RAB38: variants seen among roughly 807,000 people sequenced by gnomAD.
The protein encoded by RAB38 is ras-related protein Rab-38.
In RAB38, 15 loss-of-function variants were observed where a neutral mutation model predicts 18.4. That is an observed-to-expected ratio of 0.82 (90% CI 0.55 to 1.26). The LOEUF is 1.26. Among genes scored for constraint, RAB38 ranks in the 50% most tolerant of loss-of-function variants. RAB38 has a pLI of 0.00. For synonymous variants in RAB38, 101 were observed against 104.4 expected (o/e 0.97, Z 0.20); for missense variants, 294 against 267.4 (o/e 1.10, Z -0.69).
At chr11:87,961,406 A>G in the RAB38 span, among the ~76,000 whole-genome samples, 1 of 152,166 alleles carries the variant, frequency 6.6e-6, no homozygotes, top group Admixed American at 6.6e-5. Context: ...GCTGGGGGAC[A>G]TGTGGAGGTG....
At chr11:88,108,655 A>G (rs1942433203), downstream of RAB38, among the ~76,000 whole-genome samples, 1 of 152,072 alleles carries the variant, frequency 6.6e-6, no homozygotes, top group African/African-American at 2.4e-5. Flanking sequence ...TAAGGTAAAT[A>G]TTGTTATGTG....
chr11:87,921,472 A>G, the RAB38 span, among the ~76,000 whole-genome samples: 2 of 151,602 alleles, frequency 1.3e-5, no homozygotes, highest in East Asian at 1.9e-4. Context: ...AGTTAGGCAT[A>G]TTAAATGCAT....
the RAB38 span, among the ~76,000 whole-genome samples, chr11:88,073,008 G>A: frequency 6.6e-6 from 1 of 152,106 alleles, no homozygotes; most frequent in Non-Finnish European, 1.5e-5. Context: ...GTATATCTGT[G>A]ATACCACTAC....
chr11:87,865,493 G>T, the RAB38 span, among the ~76,000 whole-genome samples: 1 of 151,354 alleles, frequency 6.6e-6, no homozygotes, highest in Non-Finnish European at 1.5e-5. Context: ...GTGAAGTAAG[G>T]GTGTCTCCCT....
At chr11:88,066,241 T>G in the RAB38 span, among the ~76,000 whole-genome samples, 1 of 152,186 alleles carries the variant, frequency 6.6e-6, no homozygotes, top group Admixed American at 6.5e-5. Context: ...CTTATTGAGG[T>G]ACTGTTTGTA....
chr11:87,863,456 G>A, the RAB38 span, among the ~76,000 whole-genome samples: 2 of 151,890 alleles, frequency 1.3e-5, no homozygotes, highest in Admixed American at 1.3e-4. Context: ...CAAGCATGAA[G>A]TGGGTAGTGG....
the RAB38 span, among the ~76,000 whole-genome samples, chr11:87,941,214 G>GATATATATATATATATATATATATATAT: frequency 6.6e-4 from 41 of 62,528 alleles, 1 homozygote; most frequent in African/African-American, 1.1e-3. Flanking sequence ...AAATATATGA[G>GATATATATATATATATATATATATATAT]ATATATATAT....
the RAB38 span, among the ~76,000 whole-genome samples, chr11:88,085,688 C>T: frequency 6.6e-6 from 1 of 151,904 alleles, no homozygotes; most frequent in Non-Finnish European, 1.5e-5. Flanking sequence ...TCTTTGTAAA[C>T]CAAGTTTTAT....
the RAB38 span, among the ~76,000 whole-genome samples, chr11:87,826,911 A>G: frequency 2.0e-5 from 3 of 152,150 alleles, no homozygotes; most frequent in Non-Finnish European, 4.4e-5. Flanking sequence ...AGGGGAGGAC[A>G]CTGTTGACAG....
chr11:87,901,661 G>A, the RAB38 span, among the ~76,000 whole-genome samples: 1 of 151,576 alleles, frequency 6.6e-6, no homozygotes, highest in Non-Finnish European at 1.5e-5. Context: ...TAAGCCAGGA[G>A]CAAATCCCAC....
At chr11:88,077,423 C>A in the RAB38 span, among the ~76,000 whole-genome samples, 1 of 151,724 alleles carries the variant, frequency 6.6e-6, no homozygotes, top group African/African-American at 2.4e-5. Flanking sequence ...CTAAAATAAC[C>A]AAATCAGCAT....
At chr11:87,939,255 A>G in the RAB38 span, among the ~76,000 whole-genome samples, 32 of 152,222 alleles carry the variant, frequency 2.1e-4, no homozygotes, top group Non-Finnish European at 1.3e-4. Context: ...CTGTGAATCC[A>G]GAGTTATGGG....
At position 88,147,154 on chromosome 11, in the gene RAB38, A is replaced by AT. The variant is rs1942998351; in HGVS notation, c.483+2520dup. 3.9e-5 allele frequency among the ~76,000 whole-genome samples: 6 copies of AT among 152,264 alleles called. No homozygotes were observed. The South Asian group carries it at 1.0e-3, about 26-fold the overall frequency. On this transcript the variant is annotated intron_variant, in intron 2 of 2. Coordinates refer to ENST00000243662, the MANE Select transcript of RAB38 (RefSeq NM_022337.3). ...TTCCCTTTCTTCTTATTAGCACTTAATAAGTATCACACATCATATATTTAT... is the reference window on the plus strand; with the variant it reads ...TTCCCTTTCTTCTTATTAGCACTTAATTAAGTATCACACATCATATATTTAT...
intron 2 of RAB38, among the ~76,000 whole-genome samples, chr11:88,115,071 G>A (rs902439467): frequency 7.9e-5 from 12 of 152,200 alleles, no homozygotes; most frequent in Admixed American, 1.3e-4. Context: ...AGTAGTATAA[G>A]TTAAACTGCT....
the RAB38 span, among the ~76,000 whole-genome samples, chr11:87,874,274 C>T: frequency 1.3e-5 from 2 of 150,980 alleles, no homozygotes; most frequent in Non-Finnish European, 3.0e-5. Flanking sequence ...ATACTGATAT[C>T]AACAACAAAG....
the RAB38 span, chr11:87,816,409 G>A: frequency 6.6e-6 from 1 of 152,266 alleles, no homozygotes; most frequent in South Asian, 2.1e-4. Flanking sequence ...AGGTATAATG[G>A]TTGATTGGCT....
the RAB38 span, among the ~76,000 whole-genome samples, chr11:88,019,472 G>A: frequency 6.6e-6 from 1 of 152,090 alleles, no homozygotes; most frequent in African/African-American, 2.4e-5. Flanking sequence ...TAGCCTTCTA[G>A]CTATTCTGTT....
At chr11:87,973,567 C>G in the RAB38 span, among the ~76,000 whole-genome samples, 1 of 148,292 alleles carries the variant, frequency 6.7e-6, no homozygotes, top group African/African-American at 2.4e-5. Flanking sequence ...ACCAAAGAAT[C>G]AGTTAGTGAA....
intron 1 of RAB38, chr11:88,174,136 C>A: frequency 1.0e-6 from 1 of 954,770 alleles, no homozygotes; most frequent in Non-Finnish European, 1.2e-6. Flanking sequence ...GATCCTTGAC[C>A]CTTGCCCAAC....
Sources: gnomAD v4.1 joint callset for allele counts (sites outside exome capture counted in the v4.1 genomes callset) on GRCh38, gnomAD v4.1.1 for gene constraint, MANE v1.5 for transcripts, NCBI Gene and HGNC (gene_info 2026-07-23, HGNC 2026-07-21) for gene names.